The following TBC1D19 variants were observed in gnomAD, a reference collection of about 807,000 sequenced individuals.
TBC1D19 encodes the protein TBC1 domain family member 19, also known as TBC1 domain family, member 19.
In TBC1D19, 60 loss-of-function variants were observed where a neutral mutation model predicts 89.0. That is an observed-to-expected ratio of 0.67 (90% CI 0.55 to 0.84). TBC1D19 has a LOEUF of 0.84. Among genes scored for constraint, TBC1D19 ranks in the 40% least tolerant of loss-of-function variants. The probability of loss-of-function intolerance (pLI) is 0.00; values close to 1 mark genes in which losing one functional copy is unlikely to be tolerated. For missense variants in TBC1D19, 500 were observed against 610.8 expected, an observed-to-expected ratio of 0.82 and a Z score of 1.91; for synonymous variants, 189 against 199.7, an observed-to-expected ratio of 0.95 and a Z score of 0.45.
chr4:26,809,191 T>C, the TBC1D19 span, among the ~76,000 whole-genome samples: 2 of 152,190 alleles, frequency 1.3e-5, no homozygotes, highest in Non-Finnish European at 2.9e-5. Context: ...GAGAAGGGCA[T>C]GTTGGGTCTT....
intron 13 of TBC1D19, among the ~76,000 whole-genome samples, chr4:26,697,489 G>A (rs1465974343): frequency 6.6e-6 from 1 of 152,078 alleles, no homozygotes; most frequent in African/African-American, 2.4e-5. Flanking sequence ...AGAAAAAGAG[G>A]GAATCCTCCC....
chr4:26,788,021 T>C, the TBC1D19 span, among the ~76,000 whole-genome samples: 8 of 152,078 alleles, frequency 5.3e-5, no homozygotes, highest in African/African-American at 9.7e-5. Context: ...GGGAAGCAAG[T>C]CCCCTTAAAC....
chr4:26,787,248 C>A, the TBC1D19 span, among the ~76,000 whole-genome samples: 1 of 151,928 alleles, frequency 6.6e-6, no homozygotes, highest in Non-Finnish European at 1.5e-5. Flanking sequence ...ACTACAGGCA[C>A]GTGCCTCCAA....
the TBC1D19 span, among the ~76,000 whole-genome samples, chr4:26,785,436 A>G: frequency 6.6e-6 from 1 of 152,360 alleles, no homozygotes; most frequent in African/African-American, 2.4e-5. Context: ...TGTACATAGA[A>G]AAGATAACCA....
At chr4:26,851,309 C>A in the TBC1D19 span, among the ~76,000 whole-genome samples, 2 of 65,402 alleles carry the variant, frequency 3.1e-5, no homozygotes, top group East Asian at 8.9e-4. Context: ...AATACCCTAT[C>A]TATCTATCTA....
rs540542496 is a variant in TBC1D19, at chr4:26,699,499, C to T, written c.954+11092C>T. Among the ~76,000 whole-genome samples, 7 of 152,194 alleles carry T rather than the reference C, an allele frequency of 4.6e-5. No individual in the cohort carries two copies. In the South Asian group the frequency reaches 6.2e-4, roughly 14 times the overall value. On this transcript the variant is annotated intron_variant, in intron 13 of 20. Coordinates refer to ENST00000264866, the MANE Select transcript of TBC1D19 (RefSeq NM_018317.4). Reference sequence around the variant, plus strand: ...AACTAGAAATACCATTTGACCCAGCCGTCCCATTACTGGGTATATACCCAA... The same window carrying T: ...AACTAGAAATACCATTTGACCCAGCTGTCCCATTACTGGGTATATACCCAA...
upstream of TBC1D19, among the ~76,000 whole-genome samples, chr4:26,581,845 G>A (rs1204609207): frequency 1.3e-5 from 2 of 152,122 alleles, no homozygotes; most frequent in Admixed American, 6.5e-5. Flanking sequence ...CCTAGAGCAG[G>A]TGTTCTGAAA....
At chr4:26,774,326 C>G in the TBC1D19 span, among the ~76,000 whole-genome samples, 1 of 152,238 alleles carries the variant, frequency 6.6e-6, no homozygotes, top group African/African-American at 2.4e-5. Flanking sequence ...GATCAGCACT[C>G]TCTTAGTTCA....
At chr4:26,598,685 C>T (rs905012056) in intron 1 of TBC1D19, among the ~76,000 whole-genome samples, 1 of 152,206 alleles carries the variant, frequency 6.6e-6, no homozygotes, top group African/African-American at 2.4e-5. Flanking sequence ...TGAGCCACCG[C>T]GCCCGGCCCT....
the TBC1D19 span, among the ~76,000 whole-genome samples, chr4:26,810,729 G>T: frequency 6.6e-6 from 1 of 152,016 alleles, no homozygotes; most frequent in Non-Finnish European, 1.5e-5. Flanking sequence ...AGTCTGGGTC[G>T]CACGTCCCTC....
chr4:26,837,085 G>A, the TBC1D19 span, among the ~76,000 whole-genome samples: 4 of 152,202 alleles, frequency 2.6e-5, no homozygotes, highest in African/African-American at 9.7e-5. Flanking sequence ...GAATGGGAAT[G>A]TTTGGAGGGG....
chr4:26,830,829 A>C, the TBC1D19 span, among the ~76,000 whole-genome samples: 3 of 152,300 alleles, frequency 2.0e-5, no homozygotes, highest in Non-Finnish European at 4.4e-5. Context: ...CTCATCCTTC[A>C]GTAAAGGAGT....
chr4:26,735,057 T>TATGTATATATGTATACAC (rs1482630014), intron 15 of TBC1D19, among the ~76,000 whole-genome samples: 262 of 150,420 alleles, frequency 1.7e-3, no homozygotes, highest in African/African-American at 5.8e-3. Flanking sequence ...CACATGTATA[T>TATGTATATATGTATACAC]ATGTATATAT....
At chr4:26,673,446 T>TATATATATATATATATATACACAC (rs373807642) in intron 10 of TBC1D19, among the ~76,000 whole-genome samples, 4 of 90,882 alleles carry the variant, frequency 4.4e-5, no homozygotes, top group African/African-American at 1.7e-4. Context: ...TATATATATA[T>TATATATATATATATATATACACAC]ACACACACAC....
At position 26,716,290 on chromosome 4, in the gene TBC1D19, C is replaced by T. The variant is rs566087991; in HGVS notation, c.955-1643C>T. ...TAAAAAATAATCTGAGGAAGTCATC[C>T]AGAATGGAACAGGGGGGATAAAAGT... is the stretch of plus-strand genomic sequence containing the variant. On this transcript the variant is annotated intron_variant, in intron 13 of 20. Transcript: ENST00000264866. 2.7e-4 allele frequency among the ~76,000 whole-genome samples: 41 copies of T among 152,022 alleles called. No individual in the cohort carries two copies. The East Asian group carries it at 6.4e-3, about 24-fold the overall frequency.
chr4:26,576,793 T>A (rs1457302433), exon 1 of TBC1D19: 1 of 456,006 alleles, frequency 2.2e-6, no homozygotes, highest in Admixed American at 2.3e-5. Flanking sequence ...GACTCTGGGA[T>A]GAAGGTATGA....
At chr4:26,579,003 T>A (rs557863821) in intron 1 of TBC1D19, among the ~76,000 whole-genome samples, 16 of 152,214 alleles carry the variant, frequency 1.1e-4, no homozygotes, top group Non-Finnish European at 1.9e-4. Flanking sequence ...CTGCTACTCA[T>A]AGGCCTCATT....
intron 1 of TBC1D19, among the ~76,000 whole-genome samples, chr4:26,584,766 G>A (rs992382817): frequency 2.0e-5 from 3 of 152,068 alleles, no homozygotes; most frequent in Non-Finnish European, 2.9e-5. Flanking sequence ...TACCCTCCCT[G>A]CAATTATTCC....
chr4:26,855,438 T>C, the TBC1D19 span, among the ~76,000 whole-genome samples: 9 of 152,220 alleles, frequency 5.9e-5, no homozygotes, highest in Admixed American at 3.3e-4. Flanking sequence ...ACAATCATTT[T>C]TACTTTACAA....
Sources: gnomAD v4.1 joint callset for allele counts (sites outside exome capture counted in the v4.1 genomes callset) on GRCh38, gnomAD v4.1.1 for gene constraint, MANE v1.5 for transcripts, NCBI Gene and HGNC (gene_info 2026-07-23, HGNC 2026-07-21) for gene names.